SOX5: variants seen among roughly 807,000 people sequenced by gnomAD.
SOX5 encodes the protein transcription factor SOX-5.
SOX5 carries 9 observed loss-of-function variants against 92.0 expected under a neutral mutation model. The observed-to-expected ratio is 0.10, with a 90% CI of 0.06 to 0.17. SOX5 has a LOEUF of 0.17. Among genes scored for constraint, SOX5 ranks in the 10% least tolerant of loss-of-function variants. The pLI is 1.00. For missense variants in SOX5, 642 were observed against 944.5 expected (o/e 0.68, Z 4.20); for synonymous variants, 344 against 336.3 (o/e 1.02, Z -0.25).
chr12:23,756,109 G>C (rs749668283), intron 3 of SOX5, among the ~76,000 whole-genome samples: 32 of 151,846 alleles, frequency 2.1e-4, no homozygotes, highest in Non-Finnish European at 3.1e-4. Context: ...CAAAGAATTA[G>C]CTCTTAAATC....
intron 1 of SOX5, among the ~76,000 whole-genome samples, chr12:24,403,865 T>C (rs1178807151): frequency 1.3e-5 from 2 of 152,238 alleles, no homozygotes; most frequent in African/African-American, 4.8e-5. Context: ...TCTGTAGGTA[T>C]ATACTTCAGG....
intron 4 of SOX5, among the ~76,000 whole-genome samples, chr12:24,026,016 C>T (rs1261353653): frequency 1.3e-5 from 2 of 152,060 alleles, no homozygotes; most frequent in East Asian, 3.9e-4. Context: ...TCTGAACAAC[C>T]TAATATGGCT....
At chr12:24,013,907 C>A (rs1423488996) in intron 4 of SOX5, among the ~76,000 whole-genome samples, 1 of 152,066 alleles carries the variant, frequency 6.6e-6, no homozygotes, top group Non-Finnish European at 1.5e-5. Flanking sequence ...GGAAATAAGA[C>A]AAAGTACAGC....
rs375642823 is a variant in SOX5, at chr12:24,516,043, CT to C, written c.-251+46285del. 9.8e-3 allele frequency among the ~76,000 whole-genome samples: 1,365 copies of C among 138,638 alleles called. 11 individuals carry two copies. Among genetic ancestry groups the C allele is most frequent in the Admixed American group, 0.031 (424 of 13,742 alleles). 91.0% of individuals were successfully genotyped at this position (138,638 alleles called of 152,430 possible). A position where few individuals can be genotyped will look rare whatever the true frequency, so the allele number is the denominator to read the frequency against. Reference sequence around the variant, plus strand: ...GGCTATGGCAATTTTTTTTCTTTTCCTTTTTTTTTTTTTTTAAGCGACAGAG... The same window carrying C: ...GGCTATGGCAATTTTTTTTCTTTTCCTTTTTTTTTTTTTTAAGCGACAGAG... On this transcript the variant is annotated intron_variant, in intron 1 of 4. Transcript: ENST00000446891.
chr12:24,505,113 A>C (rs1461673892), intron 1 of SOX5, among the ~76,000 whole-genome samples: 1 of 152,242 alleles, frequency 6.6e-6, no homozygotes, highest in Non-Finnish European at 1.5e-5. Context: ...CTATGCCTAC[A>C]TCTGGAAAAG....
At chr12:24,411,112 T>G (rs1268713697) in intron 1 of SOX5, among the ~76,000 whole-genome samples, 1 of 152,204 alleles carries the variant, frequency 6.6e-6, no homozygotes, top group Non-Finnish European at 1.5e-5. Flanking sequence ...TTGCTAGTAT[T>G]AATATATACA....
intron 2 of SOX5, among the ~76,000 whole-genome samples, chr12:23,855,506 G>A (rs184886583): frequency 1.5e-4 from 23 of 152,160 alleles, no homozygotes; most frequent in Admixed American, 6.5e-4. Context: ...TGGATTGTTT[G>A]TGATAAATAC....
chr12:23,586,334 G>A lies in SOX5; in HGVS notation c.1165-10496C>T, dbSNP rs554901911. ...TTTGTTCCACAAACACTATTCCCAA[G>A]AGAGTGGTAGGTCATGAGACAGAAG... On this transcript the variant is annotated intron_variant, in intron 9 of 14. Coordinates refer to ENST00000451604, the MANE Select transcript of SOX5 (RefSeq NM_006940.6). Among the ~76,000 whole-genome samples the A allele has an allele frequency of 9.2e-5, 14 of 152,190 alleles. No homozygotes were observed. The East Asian group carries it at 2.7e-3, about 29-fold the overall frequency.
intron 9 of SOX5, chr12:23,582,200 G>A (rs1950138653): frequency 2.4e-5 from 24 of 985,022 alleles, no homozygotes; most frequent in Non-Finnish European, 2.8e-5. Flanking sequence ...TTTCTCTTTC[G>A]TCTTCTACCT....
chr12:24,309,717 A>G (rs188879156), intron 2 of SOX5, among the ~76,000 whole-genome samples: 95 of 152,318 alleles, frequency 6.2e-4, no homozygotes, highest in Middle Eastern at 3.4e-3. Flanking sequence ...AAAATATGAA[A>G]AGTAAAAACA....
intron 6 of SOX5, among the ~76,000 whole-genome samples, chr12:23,681,537 A>C (rs1460826123): frequency 2.0e-5 from 3 of 151,742 alleles, no homozygotes; most frequent in Non-Finnish European, 4.4e-5. Flanking sequence ...AGGTTGAAAA[A>C]GATGAAAAAA....
intron 8 of SOX5, among the ~76,000 whole-genome samples, chr12:23,615,981 A>G (rs1176185377): frequency 1.3e-5 from 2 of 152,196 alleles, no homozygotes; most frequent in African/African-American, 2.4e-5. Context: ...ATACATATAG[A>G]TAGTTACCTC....
intron 4 of SOX5, among the ~76,000 whole-genome samples, chr12:23,996,553 A>T (rs1156803796): frequency 1.3e-5 from 2 of 152,180 alleles, no homozygotes; most frequent in Non-Finnish European, 2.9e-5. Flanking sequence ...GATGAAAATA[A>T]CCCCAATATC....
rs561256486 is a variant in SOX5, at chr12:23,586,703, T to C, written c.1165-10865A>G. Among the ~76,000 whole-genome samples, 4 of 151,810 alleles carry C rather than the reference T, an allele frequency of 2.6e-5. No homozygotes were observed. The South Asian group carries it at 8.3e-4, about 32-fold the overall frequency. ...AAAAATATATCAAGGGCATGAGTTG[T>C]TGGAAGATTAAGTCTCAAAAATTTG... On this transcript the variant is annotated intron_variant, in intron 9 of 14. Transcript: ENST00000451604.
At chr12:24,226,762 C>T (rs112507318) in intron 3 of SOX5, among the ~76,000 whole-genome samples, 2,459 of 152,258 alleles carry the variant, frequency 0.016, 62 homozygotes, top group African/African-American at 0.053. Flanking sequence ...TGAGCCACCA[C>T]GCCCGGCCTG....
At chr12:24,424,815 G>A (rs369027889) in intron 1 of SOX5, among the ~76,000 whole-genome samples, 5 of 150,452 alleles carry the variant, frequency 3.3e-5, no homozygotes, top group Non-Finnish European at 7.4e-5. Context: ...TTTTGGGGGG[G>A]GGGGATGGCT....
intron 6 of SOX5, among the ~76,000 whole-genome samples, chr12:23,705,218 C>T (rs1023722637): frequency 6.6e-6 from 1 of 151,950 alleles, no homozygotes; most frequent in African/African-American, 2.4e-5. Context: ...GTAACTTTTT[C>T]ACCCCTTTTA....
At chr12:24,048,266 G>A (rs1483736645) in intron 4 of SOX5, among the ~76,000 whole-genome samples, 1 of 152,100 alleles carries the variant, frequency 6.6e-6, no homozygotes, top group Non-Finnish European at 1.5e-5. Context: ...AAGTTCATAC[G>A]TGGTGAAGTT....
intron 1 of SOX5, among the ~76,000 whole-genome samples, chr12:23,934,454 T>G (rs1017399476): frequency 6.7e-6 from 1 of 149,122 alleles, no homozygotes; most frequent in Non-Finnish European, 1.5e-5. Context: ...ACATACATGA[T>G]GTATATGTAT....
Sources: gnomAD v4.1 joint callset for allele counts (sites outside exome capture counted in the v4.1 genomes callset) on GRCh38, gnomAD v4.1.1 for gene constraint, MANE v1.5 for transcripts, NCBI Gene and HGNC (gene_info 2026-07-23, HGNC 2026-07-21) for gene names.